LUZP2: variants seen among roughly 807,000 people sequenced by gnomAD.
The protein encoded by LUZP2 is leucine zipper protein 2.
A neutral mutation model predicts 51.6 loss-of-function variants in LUZP2; 52 were observed. That is an observed-to-expected ratio of 1.01 (90% CI 0.81 to 1.27). The LOEUF (loss-of-function observed/expected upper bound fraction) is 1.27. LUZP2 is among the 50% of genes most tolerant of loss of function. The pLI, the probability that LUZP2 is intolerant of heterozygous loss-of-function variation, is 0.00. For synonymous variants in LUZP2, 154 were observed against 137.3 expected (o/e 1.12, Z -0.85); for missense variants, 436 against 395.4 (o/e 1.10, Z -0.87).
intron 9 of LUZP2, among the ~76,000 whole-genome samples, chr11:25,045,093 A>G (rs1228222258): frequency 6.7e-6 from 1 of 149,500 alleles, no homozygotes; most frequent in African/African-American, 2.5e-5. Context: ...GCATTAGGAG[A>G]TATACCTAAT....
intron 7 of LUZP2, among the ~76,000 whole-genome samples, chr11:24,968,010 GT>G (rs1322064670): frequency 6.6e-6 from 1 of 152,080 alleles, no homozygotes; most frequent in African/African-American, 2.4e-5. Flanking sequence ...CTAGAATGCT[GT>G]TAAAATACTG....
chr11:24,830,991 C>G (rs931846190), intron 5 of LUZP2, among the ~76,000 whole-genome samples: 3 of 148,476 alleles, frequency 2.0e-5, no homozygotes, highest in African/African-American at 7.8e-5. Context: ...GAGACTCCCT[C>G]TCAAAAATAA....
In LUZP2 at chr11:24,924,358, G is replaced by A. The variant is rs1395726136; in HGVS notation, c.522+9820G>A. Among the ~76,000 whole-genome samples the A allele has an allele frequency of 2.0e-5, 3 of 151,850 alleles. 1 individual carries two copies. Among genetic ancestry groups the A allele is most frequent in the South Asian group, 4.2e-4 (2 of 4,812 alleles). On this transcript the variant is annotated intron_variant, in intron 7 of 11. Coordinates refer to ENST00000336930, the MANE Select transcript of LUZP2 (RefSeq NM_001009909.4). The stretch of plus-strand genomic sequence containing the variant: ...CTCCCAAATTGCTGGGATTACAGGC[G>A]TGAGCCACCGCACCCAGCCCGCTTG...
At chr11:25,017,611 G>A (rs186126869) in intron 9 of LUZP2, among the ~76,000 whole-genome samples, 9 of 152,098 alleles carry the variant, frequency 5.9e-5, no homozygotes, top group East Asian at 3.9e-4. Context: ...TGTTTCTTTC[G>A]TTTATGTATC....
At chr11:24,922,253 C>G (rs1463309533) in intron 7 of LUZP2, among the ~76,000 whole-genome samples, 1 of 152,068 alleles carries the variant, frequency 6.6e-6, no homozygotes, top group Non-Finnish European at 1.5e-5. Flanking sequence ...ACCACAGTGG[C>G]ATGTGTCATC....
intron 1 of LUZP2, among the ~76,000 whole-genome samples, chr11:24,677,798 C>G (rs753412950): frequency 3.2e-4 from 49 of 152,040 alleles, no homozygotes; most frequent in Non-Finnish European, 5.7e-4. Flanking sequence ...ACCTGTAATC[C>G]CAGCACTTTG....
intron 1 of LUZP2, among the ~76,000 whole-genome samples, chr11:24,712,488 T>A (rs1857872017): frequency 6.6e-6 from 1 of 152,078 alleles, no homozygotes; most frequent in African/African-American, 2.4e-5. Context: ...AGGATGAAGA[T>A]CTGTGATACA....
At chr11:24,636,543 T>C (rs888725275) in intron 1 of LUZP2, among the ~76,000 whole-genome samples, 4 of 152,172 alleles carry the variant, frequency 2.6e-5, no homozygotes, top group African/African-American at 9.6e-5. Context: ...AATGTGATAA[T>C]ATATGTTAAG....
At chr11:24,559,498 A>G (rs11028012) in intron 1 of LUZP2, among the ~76,000 whole-genome samples, 63,488 of 152,020 alleles carry the variant, frequency 0.42, 13,783 homozygotes, top group African/African-American at 0.51. Context: ...TAAAGAGAGC[A>G]AGTTTATAAG....
intron 1 of LUZP2, among the ~76,000 whole-genome samples, chr11:24,564,007 A>G (rs1328144754): frequency 1.3e-5 from 2 of 152,216 alleles, no homozygotes; most frequent in East Asian, 3.8e-4. Flanking sequence ...GCCCAAGGTC[A>G]GAGTTACAGT....
At chr11:25,068,405 C>G (rs1859056802) in intron 10 of LUZP2, among the ~76,000 whole-genome samples, 1 of 151,832 alleles carries the variant, frequency 6.6e-6, no homozygotes, top group South Asian at 2.1e-4. Flanking sequence ...ATATTTGGAA[C>G]TCTAACTCCA....
At chr11:24,832,579 G>T (rs200641505) in intron 5 of LUZP2, among the ~76,000 whole-genome samples, 1 of 150,942 alleles carries the variant, frequency 6.6e-6, no homozygotes, top group African/African-American at 2.4e-5. Context: ...TTAAAAATAT[G>T]CAAAAATTAC....
At chr11:24,937,677 G>T (rs963132244) in intron 7 of LUZP2, among the ~76,000 whole-genome samples, 1 of 151,864 alleles carries the variant, frequency 6.6e-6, no homozygotes, top group African/African-American at 2.4e-5. Context: ...CGAGGTGGGC[G>T]GATCATGAGG....
chr11:24,777,973 TTGATAAA>T (rs1848986069), intron 5 of LUZP2, among the ~76,000 whole-genome samples: 1 of 152,154 alleles, frequency 6.6e-6, no homozygotes, highest in South Asian at 2.1e-4. Context: ...TAGTAGGCAC[TTGATAAA>T]TACTTGTTGA....
intron 1 of LUZP2, among the ~76,000 whole-genome samples, chr11:24,538,934 C>T (rs113873435): frequency 7.2e-6 from 1 of 139,182 alleles, no homozygotes; most frequent in Non-Finnish European, 1.6e-5. Flanking sequence ...AAAGAAAGAA[C>T]AATTTGAAGA....
intron 9 of LUZP2, among the ~76,000 whole-genome samples, chr11:25,026,800 A>C (rs1316055922): frequency 6.6e-6 from 1 of 151,934 alleles, no homozygotes; most frequent in Non-Finnish European, 1.5e-5. Context: ...ATCTCCGAGA[A>C]AAGAAGAAAA....
intron 9 of LUZP2, among the ~76,000 whole-genome samples, chr11:25,019,801 A>T (rs1287045260): frequency 1.3e-5 from 2 of 152,070 alleles, no homozygotes; most frequent in South Asian, 4.1e-4. Context: ...TCTTGAGGCT[A>T]CTGTCAGAGG....
At position 24,833,712 on chromosome 11, in the gene LUZP2, G is replaced by GCGCACACACACACACACACA. The variant is rs112834221; in HGVS notation, c.396+70405_396+70406insGCACACACACACACACACAC. On this transcript the variant is annotated intron_variant, in intron 5 of 11. Coordinates refer to ENST00000336930, the MANE Select transcript of LUZP2 (RefSeq NM_001009909.4). ...CCCCCACGCCTGCCACCGCGCGCGC[G>GCGCACACACACACACACACA]CACACACACACACACACACTTGATT... 3.4e-5 allele frequency among the ~76,000 whole-genome samples: 5 copies of GCGCACACACACACACACACA among 147,234 alleles called. No homozygotes were observed. The East Asian group carries it at 6.0e-4, about 18-fold the overall frequency.
At chr11:24,909,995 A>G (rs1183323492) in intron 6 of LUZP2, among the ~76,000 whole-genome samples, 1 of 152,190 alleles carries the variant, frequency 6.6e-6, no homozygotes, top group Non-Finnish European at 1.5e-5. Context: ...TGATAATGAT[A>G]TGGACAATGA....
Sources: allele counts gnomAD v4.1 joint callset (sites outside exome capture counted in the v4.1 genomes callset), GRCh38; gene constraint gnomAD v4.1.1; transcripts MANE v1.5; gene names NCBI Gene and HGNC (gene_info 2026-07-23, HGNC 2026-07-21).